Variants in C9orf43 observed in about 807,000 individuals in gnomAD.
C9orf43 encodes uncharacterized protein C9orf43.
A neutral mutation model predicts 59.1 loss-of-function variants in C9orf43; 45 were observed. The ratio of observed to expected loss-of-function variants is 0.76; its 90% CI spans 0.60 to 0.98. The LOEUF (loss-of-function observed/expected upper bound fraction) is 0.98, where lower values mean the gene tolerates loss of function less well. C9orf43 is among the 50% of genes least tolerant of loss of function. The pLI, the probability that C9orf43 is intolerant of heterozygous loss-of-function variation, is 0.00. For missense variants in C9orf43, 533 were observed against 554.9 expected, an observed-to-expected ratio of 0.96 and a Z score of 0.40; for synonymous variants, 203 against 196.8, an observed-to-expected ratio of 1.03 and a Z score of -0.26.
chr9:113,428,113 A>G (rs772203009), intron 11 of C9orf43, 34 bp from the exon 12 acceptor site: 2 of 1,609,392 alleles, frequency 1.2e-6, no homozygotes, highest in South Asian at 1.1e-5. Flanking sequence ...ATATGGTAAT[A>G]AGAGGAAGAT....
chr9:113,425,180 A>G (rs1828741632), intron 9 of C9orf43, 104 bp downstream of exon 9: 1 of 1,445,792 alleles, frequency 6.9e-7, no homozygotes, highest in Non-Finnish European at 9.7e-7. Context: ...GGCCACAGTC[A>G]TACAGGGTCA....
intron 3 of C9orf43, among the ~76,000 whole-genome samples, chr9:113,417,669 G>A: frequency 6.6e-6 from 1 of 152,216 alleles, no homozygotes; most frequent in Non-Finnish European, 1.5e-5. Flanking sequence ...TGAAATGGGG[G>A]TTGTAGGTGG....
In C9orf43 at chr9:113,413,595, C is replaced by T. The variant is rs768544169; in HGVS notation, c.102C>T (p.Gly34=). The change falls in exon 2 of 14, where the codon GGC becomes GGT. Residue 34 remains glycine, a synonymous_variant. Coordinates refer to ENST00000374165, the MANE Select transcript of C9orf43 (RefSeq NM_001278629.2). ...CWATIRRIER[G]HPRILGSSCK... is the part of the protein sequence containing the mutation. ...CAACTATCCGCCGCATTGAGAGGGG[C>T]CATCCTCGAATCCTCGGCTCATCCT... 12 of 1,614,088 alleles carry T rather than the reference C, an allele frequency of 7.4e-6. No homozygotes were observed. The highest frequency in any genetic ancestry group is 1.0e-5 in the Non-Finnish European group (12 of 1,180,034).
intron 5 of C9orf43, among the ~76,000 whole-genome samples, 168 bp from the exon 6 acceptor site, chr9:113,422,381 C>T (rs1332408077): frequency 6.6e-6 from 1 of 152,170 alleles, no homozygotes; most frequent in Non-Finnish European, 1.5e-5. Flanking sequence ...GCTGGGTTCC[C>T]AACCAGCTAT....
At chr9:113,418,095 C>A (rs1246127439) in intron 3 of C9orf43, among the ~76,000 whole-genome samples, 1 of 152,142 alleles carries the variant, frequency 6.6e-6, no homozygotes, top group Non-Finnish European at 1.5e-5. Flanking sequence ...ACCATTTTAG[C>A]CATTTTTAAG....
chr9:113,421,019 C>A, intron 4 of C9orf43, 84 bp from the exon 5 acceptor site: 3 of 1,121,614 alleles, frequency 2.7e-6, no homozygotes, highest in Non-Finnish European at 4.0e-6. Flanking sequence ...TCTGTGCCAC[C>A]AGACTCTTTG....
At chr9:113,413,031 T>C (rs1828227972) in intron 1 of C9orf43, among the ~76,000 whole-genome samples, 2 of 152,234 alleles carry the variant, frequency 1.3e-5, no homozygotes, top group Non-Finnish European at 2.9e-5. Flanking sequence ...TTGGAGATGG[T>C]GGCATCTTCT....
intron 5 of C9orf43, 145 bp from the exon 6 acceptor site, chr9:113,422,401 CTGA>C: frequency 8.7e-7 from 1 of 1,151,576 alleles, no homozygotes; most frequent in Non-Finnish European, 1.2e-6. Context: ...TCTTTGAGTA[CTGA>C]TCAAAGATAG....
At position 113,428,937 on chromosome 9, in the gene C9orf43, A is replaced by G. The variant is rs200230637; in HGVS notation, c.1145A>G (p.His382Arg). 3.1e-6 allele frequency: 5 copies of G among 1,613,978 alleles called. No homozygotes were observed. Among genetic ancestry groups the G allele is most frequent in the Admixed American group, 3.3e-5 (2 of 60,024 alleles). ...AGACCAAAGATGAACTACTATGACCATGCGGATTTCCACCACAGTGTAAAA... is the reference window on the plus strand; with the variant it reads ...AGACCAAAGATGAACTACTATGACCGTGCGGATTTCCACCACAGTGTAAAA... ...TERPKMNYYD[H>R]ADFHHSVKSP... The change falls in exon 13 of 14, where the codon CAT becomes CGT. Residue 382 changes from histidine (H) to arginine (R), a missense_variant. By Grantham distance (29) the His-to-Arg change is conservative. Coordinates refer to ENST00000374165, the MANE Select transcript of C9orf43 (RefSeq NM_001278629.2).
At chr9:113,412,003 T>C (rs1203366742) in intron 1 of C9orf43, among the ~76,000 whole-genome samples, 1 of 152,216 alleles carries the variant, frequency 6.6e-6, no homozygotes, top group Non-Finnish European at 1.5e-5. Context: ...CTGCTTTTTT[T>C]TCCCGTCAAG....
chr9:113,422,640 T>G, intron 6 of C9orf43, 55 bp downstream of exon 6: 1 of 1,599,960 alleles, frequency 6.3e-7, no homozygotes, highest in Middle Eastern at 1.7e-4. Context: ...AGAGTTTATT[T>G]TGTTTTCCTT....
chr9:113,425,846 CAG>C (rs779855147), intron 11 of C9orf43, 116 bp downstream of exon 11: 17 of 813,252 alleles, frequency 2.1e-5, no homozygotes, highest in Non-Finnish European at 3.4e-5. Flanking sequence ...GTCAGGCACT[CAG>C]AGTTTCTTGG....
chr9:113,429,365 C>G lies in C9orf43; in HGVS notation c.1365C>G (p.Asp455Glu). The change falls in exon 14 of 14, where the codon GAC becomes GAG. Residue 455 changes from aspartate to glutamate, a missense_variant. Coordinates refer to ENST00000374165, the MANE Select transcript of C9orf43 (RefSeq NM_001278629.2). The stretch of plus-strand genomic sequence containing the variant: ...ACACTGATGATGAGGATGAGGAGGA[C>G]CAGTCCTCTGGGGCAGAGTGAGAAG... ...LQDTDDEDEE[D>E]QSSGAE 1 of 1,613,982 alleles carries G rather than the reference C, an allele frequency of 6.2e-7. No homozygotes were observed. The highest frequency in any genetic ancestry group is 2.2e-5 in the East Asian group (1 of 44,870).
chr9:113,422,464 A>G (rs919261060), intron 5 of C9orf43, 85 bp from the exon 6 acceptor site: 3 of 1,550,068 alleles, frequency 1.9e-6, no homozygotes, highest in Admixed American at 3.7e-5. Context: ...TCTGTTTAAG[A>G]TATCTGGGAA....
At chr9:113,428,052 C>T in intron 11 of C9orf43, 95 bp from the exon 12 acceptor site, 4 of 1,186,362 alleles carry the variant, frequency 3.4e-6, no homozygotes, top group South Asian at 1.2e-5. Flanking sequence ...TTCCTGGATG[C>T]AGAGTCACTT....
intron 7 of C9orf43, among the ~76,000 whole-genome samples, 163 bp downstream of exon 7, chr9:113,423,661 A>G (rs566194715): frequency 6.6e-6 from 1 of 152,310 alleles, no homozygotes; most frequent in East Asian, 1.9e-4. Context: ...GATGACCATC[A>G]TAACCACCAC....
Position 113,425,739 on chromosome 9 carries a change from AAT to A in C9orf43, c.1030+14_1030+15del. 6.2e-7 allele frequency: 1 copy of A among 1,606,522 alleles called. No individual in the cohort carries two copies. Among genetic ancestry groups the A allele is most frequent in the Non-Finnish European group, 8.5e-7 (1 of 1,173,202 alleles). On this transcript the variant is annotated intron_variant, in intron 11 of 13. Coordinates refer to ENST00000374165, the MANE Select transcript of C9orf43 (RefSeq NM_001278629.2). ...TCATGACCGTCTCTATGGTAAGGGG[AAT>A]ATATGCTTGGTTGGGGGTGATAGGA...
rs954909101 is a variant in C9orf43, at chr9:113,410,789, C to A, written c.-262C>A. 3.5e-6 allele frequency: 1 copy of A among 282,552 alleles called. No homozygotes were observed. Among genetic ancestry groups the A allele is most frequent in the Non-Finnish European group, 5.5e-6 (1 of 180,770 alleles). 17.5% of individuals were successfully genotyped at this position (282,552 alleles called of 1,614,324 possible). A position where few individuals can be genotyped will look rare whatever the true frequency, so the allele number is the denominator to read the frequency against. ...CTGGGCCCGCCGGGTCCGTTAATCT[C>A]ACCGCGCCGCAAGGGGCCACGTTTT... On this transcript the variant is annotated 5_prime_UTR_variant, in exon 1 of 14. Coordinates refer to ENST00000374165, the MANE Select transcript of C9orf43 (RefSeq NM_001278629.2).
At chr9:113,421,989 T>C (rs1474399848) in intron 5 of C9orf43, among the ~76,000 whole-genome samples, 1 of 152,194 alleles carries the variant, frequency 6.6e-6, no homozygotes, top group Non-Finnish European at 1.5e-5. Flanking sequence ...TTTTGGGCCG[T>C]CATCCTTAGC....
Sources: allele counts gnomAD v4.1 joint callset (sites outside exome capture counted in the v4.1 genomes callset), GRCh38; gene constraint gnomAD v4.1.1; transcripts MANE v1.5; gene names NCBI Gene and HGNC (gene_info 2026-07-23, HGNC 2026-07-21).